The following RARB variants were observed in gnomAD, a reference collection of about 807,000 sequenced individuals.
RARB encodes the protein HBV-activated protein.
In RARB, 17 loss-of-function variants were observed where a neutral mutation model predicts 51.9. That is an observed-to-expected ratio of 0.33 (90% CI 0.22 to 0.49). The LOEUF is 0.49. Among genes scored for constraint, RARB ranks in the 20% least tolerant of loss-of-function variants. RARB has a pLI of 0.99. For missense variants in RARB, 369 were observed against 550.8 expected (o/e 0.67, Z 3.30); for synonymous variants, 215 against 195.4 (o/e 1.10, Z -0.84).
At chr3:25,252,370 T>C (rs1702746038) in intron 5 of RARB, among the ~76,000 whole-genome samples, 1 of 152,148 alleles carries the variant, frequency 6.6e-6, no homozygotes, top group African/African-American at 2.4e-5. Context: ...GATCAGCTTG[T>C]CAATTTCTGT....
At chr3:25,328,737 C>T (rs1023855641) in intron 5 of RARB, among the ~76,000 whole-genome samples, 10 of 152,080 alleles carry the variant, frequency 6.6e-5, no homozygotes, top group East Asian at 3.9e-4. Context: ...TCACTGCACC[C>T]GGGAAGCACA....
intron 5 of RARB, among the ~76,000 whole-genome samples, chr3:25,586,497 A>G (rs922933463): frequency 3.3e-5 from 5 of 151,982 alleles, no homozygotes; most frequent in Admixed American, 6.6e-5. Context: ...CCCAGCATAT[A>G]TGCTGCTTTT....
intron 2 of RARB, among the ~76,000 whole-genome samples, chr3:24,976,681 C>T (rs181020455): frequency 1.3e-5 from 2 of 152,188 alleles, no homozygotes; most frequent in Non-Finnish European, 2.9e-5. Flanking sequence ...GATGGATAGA[C>T]TACAAAAATT....
intron 2 of RARB, among the ~76,000 whole-genome samples, chr3:24,866,652 T>C (rs997558379): frequency 1.2e-4 from 18 of 152,272 alleles, no homozygotes; most frequent in African/African-American, 4.3e-4. Context: ...GGCCTCACAG[T>C]ATGTGGGGTT....
At chr3:25,168,816 A>G (rs1289960988) in intron 4 of RARB, among the ~76,000 whole-genome samples, 1 of 152,214 alleles carries the variant, frequency 6.6e-6, no homozygotes, top group Non-Finnish European at 1.5e-5. Flanking sequence ...GTTAAGGAAG[A>G]TATTATCAAA....
At chr3:25,159,325 AC>A (rs756090128) in intron 4 of RARB, among the ~76,000 whole-genome samples, 2 of 150,868 alleles carry the variant, frequency 1.3e-5, no homozygotes, top group African/African-American at 2.4e-5. Flanking sequence ...ATGCACCACC[AC>A]ACCTGGCTAA....
At chr3:24,980,491 T>G (rs535911411) in intron 2 of RARB, among the ~76,000 whole-genome samples, 2 of 152,320 alleles carry the variant, frequency 1.3e-5, no homozygotes, top group East Asian at 1.9e-4. Context: ...TAATCTTGTC[T>G]TCTCACTTTA....
At chr3:25,349,294 T>A (rs1348399777) in intron 5 of RARB, among the ~76,000 whole-genome samples, 1 of 152,218 alleles carries the variant, frequency 6.6e-6, no homozygotes, top group Non-Finnish European at 1.5e-5. Flanking sequence ...CTAGGCAGAT[T>A]TGTCCGTCTG....
chr3:24,866,773 G>C (rs1336441187), intron 2 of RARB, among the ~76,000 whole-genome samples: 1 of 152,124 alleles, frequency 6.6e-6, no homozygotes, highest in African/African-American at 2.4e-5. Flanking sequence ...CAGGAGAATT[G>C]AAATAAAGAG....
intron 2 of RARB, among the ~76,000 whole-genome samples, chr3:24,866,122 C>G (rs1460020090): frequency 6.6e-6 from 1 of 152,100 alleles, no homozygotes; most frequent in Non-Finnish European, 1.5e-5. Flanking sequence ...AGGATGAAGT[C>G]TAACTCCTAG....
intron 3 of RARB, among the ~76,000 whole-genome samples, chr3:25,086,835 C>A (rs2125315237): frequency 6.6e-6 from 1 of 152,170 alleles, no homozygotes; most frequent in Non-Finnish European, 1.5e-5. Context: ...CCGTGGAGAA[C>A]AAGGTTCTTA....
intron 2 of RARB, among the ~76,000 whole-genome samples, chr3:24,982,381 C>T (rs1559421675): frequency 1.3e-5 from 2 of 152,176 alleles, no homozygotes; most frequent in Non-Finnish European, 1.5e-5. Flanking sequence ...AGGCTTCCTT[C>T]CAAACCAGAG....
At chr3:25,457,770 A>G (rs1694990883) in intron 1 of RARB, among the ~76,000 whole-genome samples, 1 of 152,226 alleles carries the variant, frequency 6.6e-6, no homozygotes, top group South Asian at 2.1e-4. Context: ...AATTCAGGGC[A>G]TAGCTCTGAC....
At chr3:24,881,178 C>T (rs1703152154) in intron 2 of RARB, among the ~76,000 whole-genome samples, 1 of 152,216 alleles carries the variant, frequency 6.6e-6, no homozygotes. Context: ...TTCTCCTTTG[C>T]CTTCTGCCAT....
intron 2 of RARB, among the ~76,000 whole-genome samples, chr3:25,016,904 T>C (rs566868998): frequency 2.0e-5 from 3 of 152,236 alleles, no homozygotes; most frequent in African/African-American, 7.2e-5. Context: ...CCTTAGATCC[T>C]CTAACATCTG....
intron 5 of RARB, chr3:25,324,203 C>G (rs1704647851): frequency 6.5e-6 from 1 of 154,162 alleles, no homozygotes; most frequent in Non-Finnish European, 1.4e-5. Context: ...ATGGCATCAT[C>G]AAGGTATCCA....
chr3:25,338,188 T>C (rs892549922), intron 5 of RARB, among the ~76,000 whole-genome samples: 2 of 152,022 alleles, frequency 1.3e-5, no homozygotes, highest in African/African-American at 4.8e-5. Context: ...ATGAGCTACA[T>C]TTTGGTCACT....
intron 5 of RARB, among the ~76,000 whole-genome samples, chr3:25,361,494 C>T (rs1479432089): frequency 1.3e-5 from 2 of 152,306 alleles, no homozygotes; most frequent in East Asian, 3.9e-4. Context: ...ATTTATCAAA[C>T]TCATTCTCCA....
intron 2 of RARB, among the ~76,000 whole-genome samples, chr3:24,974,482 G>A (rs938677581): frequency 4.0e-5 from 6 of 151,844 alleles, no homozygotes; most frequent in East Asian, 1.9e-4. Context: ...TCTTGGTTCC[G>A]ATGTCATGGA....
Sources: allele counts gnomAD v4.1 joint callset (sites outside exome capture counted in the v4.1 genomes callset), GRCh38; gene constraint gnomAD v4.1.1; transcripts MANE v1.5; gene names NCBI Gene and HGNC (gene_info 2026-07-23, HGNC 2026-07-21).